Variants in DTWD2 observed in about 807,000 individuals in gnomAD.
DTWD2 encodes the protein tRNA-uridine aminocarboxypropyltransferase 2.
A neutral mutation model predicts 31.8 loss-of-function variants in DTWD2; 39 were observed. The ratio of observed to expected loss-of-function variants is 1.22; its 90% confidence interval spans 0.95 to 1.60. DTWD2 has a LOEUF of 1.60. Ranked by LOEUF, DTWD2 falls within the 40% of genes most tolerant of loss-of-function variation. DTWD2 has a pLI of 0.00. For missense variants in DTWD2, 515 were observed against 381.5 expected (o/e 1.35, Z -2.92); for synonymous variants, 180 against 142.8 (o/e 1.26, Z -1.86).
chr5:118,845,342 C>T (rs781290472), intron 5 of DTWD2, among the ~76,000 whole-genome samples: 1 of 152,110 alleles, frequency 6.6e-6, no homozygotes, highest in Non-Finnish European at 1.5e-5. Context: ...ATGTTTAGGG[C>T]AGACTGATAC....
At chr5:118,855,556 A>G (rs1027568692) in intron 4 of DTWD2, among the ~76,000 whole-genome samples, 1 of 152,120 alleles carries the variant, frequency 6.6e-6, no homozygotes, top group African/African-American at 2.4e-5. Context: ...TAAAATACTG[A>G]TGAAAGATAA....
intron 1 of DTWD2, among the ~76,000 whole-genome samples, chr5:118,945,909 G>T (rs1041786795): frequency 1.3e-5 from 2 of 152,044 alleles, no homozygotes; most frequent in African/African-American, 4.8e-5. Flanking sequence ...ACAAATAAAT[G>T]TTATATTAAA....
rs750721731 is a variant in DTWD2 at position 118,916,665 on chromosome 5, CA to C, written c.597+11871del. Among the ~76,000 whole-genome samples, 414 of 90,294 alleles carry C rather than the reference CA, an allele frequency of 4.6e-3. 1 individual carries two copies. The highest frequency in any genetic ancestry group is 0.011 in the Admixed American group (99 of 9,086). 59.2% of individuals were successfully genotyped at this position (90,294 alleles called of 152,430 possible). ...GGGCAACAAAAGTGAAACTCTGTCC[CA>C]AAAAAAAAAAAAAAAGACATTAAAA... On this transcript the variant is annotated intron_variant, in intron 4 of 5. Coordinates refer to ENST00000510708, the MANE Select transcript of DTWD2 (RefSeq NM_173666.4).
At chr5:118,882,189 C>T (rs1198245274) in intron 4 of DTWD2, among the ~76,000 whole-genome samples, 2 of 152,206 alleles carry the variant, frequency 1.3e-5, no homozygotes, top group African/African-American at 4.8e-5. Flanking sequence ...CATGCAAGTC[C>T]AAAACCCAGC....
At chr5:118,974,227 G>C (rs1451668043) in intron 1 of DTWD2, 2 of 1,074,550 alleles carry the variant, frequency 1.9e-6, no homozygotes, top group South Asian at 1.4e-5. Context: ...TTCGAGTAGA[G>C]AGGCCCGCCC....
intron 4 of DTWD2, among the ~76,000 whole-genome samples, chr5:118,919,848 CA>C (rs1468050981): frequency 2.6e-5 from 4 of 152,102 alleles, no homozygotes; most frequent in African/African-American, 9.7e-5. Flanking sequence ...AATTGTCCTA[CA>C]AACAGTGGCG....
At chr5:118,883,006 T>G (rs903898737) in intron 4 of DTWD2, among the ~76,000 whole-genome samples, 2 of 152,250 alleles carry the variant, frequency 1.3e-5, no homozygotes, top group Admixed American at 6.5e-5. Context: ...TCCAAACCTT[T>G]ATGTTCTGCT....
At chr5:118,987,894 G>A (rs561746817) in intron 1 of DTWD2, among the ~76,000 whole-genome samples, 3 of 152,308 alleles carry the variant, frequency 2.0e-5, no homozygotes, top group South Asian at 2.1e-4. Context: ...GATAGGTAAA[G>A]GAGACTGTCT....
intron 1 of DTWD2, chr5:118,973,704 G>C: frequency 1.3e-6 from 2 of 1,492,112 alleles, no homozygotes; most frequent in Non-Finnish European, 9.1e-7. Context: ...CGCCTCCTCC[G>C]CCGCCGCGGA....
At chr5:118,957,225 G>GT (rs2149591358) in intron 1 of DTWD2, among the ~76,000 whole-genome samples, 2 of 151,772 alleles carry the variant, frequency 1.3e-5, no homozygotes, top group South Asian at 4.2e-4. Flanking sequence ...ATACTGTTGT[G>GT]ATTTTTTTTT....
chr5:118,866,020 CTGTG>C (rs1053156838), intron 4 of DTWD2, among the ~76,000 whole-genome samples: 2 of 147,248 alleles, frequency 1.4e-5, no homozygotes, highest in East Asian at 3.9e-4. Context: ...GTGTGTGTGT[CTGTG>C]TGTGTGTCTG....
At chr5:118,971,098 C>T (rs150310539) in intron 1 of DTWD2, among the ~76,000 whole-genome samples, 1 of 152,162 alleles carries the variant, frequency 6.6e-6, no homozygotes, top group East Asian at 1.9e-4. Context: ...AAATAACCAG[C>T]TAGCTTCATG....
intron 2 of DTWD2, among the ~76,000 whole-genome samples, chr5:118,941,206 T>C (rs1754190537): frequency 6.6e-6 from 1 of 152,178 alleles, no homozygotes; most frequent in Non-Finnish European, 1.5e-5. Flanking sequence ...CTGTAAGTTC[T>C]AGGGTACATG....
intron 1 of DTWD2, among the ~76,000 whole-genome samples, chr5:118,955,644 A>G (rs1754568004): frequency 6.6e-6 from 1 of 152,118 alleles, no homozygotes; most frequent in Non-Finnish European, 1.5e-5. Flanking sequence ...TAATTTTTTA[A>G]AAGTTCCTTG....
chr5:118,959,875 G>T (rs1186744668), intron 1 of DTWD2, among the ~76,000 whole-genome samples: 1 of 152,126 alleles, frequency 6.6e-6, no homozygotes, highest in African/African-American at 2.4e-5. Flanking sequence ...ATGGTGCTGG[G>T]ATAAGTAGCT....
At chr5:118,915,335 C>G (rs1357861247) in intron 4 of DTWD2, among the ~76,000 whole-genome samples, 2 of 151,052 alleles carry the variant, frequency 1.3e-5, no homozygotes, top group Non-Finnish European at 2.9e-5. Flanking sequence ...CTAACCAGGA[C>G]AAGCCCCCAA....
At chr5:118,942,605 T>C (rs1754231684) in intron 2 of DTWD2, among the ~76,000 whole-genome samples, 1 of 151,400 alleles carries the variant, frequency 6.6e-6, no homozygotes, top group East Asian at 2.0e-4. Context: ...AGGCCAGGAA[T>C]TCAAGACCAG....
At chr5:118,890,086 C>T (rs145775690) in intron 4 of DTWD2, among the ~76,000 whole-genome samples, 2 of 152,132 alleles carry the variant, frequency 1.3e-5, no homozygotes, top group Admixed American at 6.5e-5. Flanking sequence ...AAGTGTTTTG[C>T]ACATATTATC....
intron 4 of DTWD2, among the ~76,000 whole-genome samples, chr5:118,921,332 C>T (rs866875333): frequency 6.6e-6 from 1 of 151,782 alleles, no homozygotes; most frequent in East Asian, 1.9e-4. Context: ...GACAACATGG[C>T]GAGACCCCTT....
Sources: gnomAD v4.1 joint callset for allele counts (sites outside exome capture counted in the v4.1 genomes callset) on GRCh38, gnomAD v4.1.1 for gene constraint, MANE v1.5 for transcripts, NCBI Gene and HGNC (gene_info 2026-07-23, HGNC 2026-07-21) for gene names.